TBC1D22A: variants seen among roughly 807,000 people sequenced by gnomAD.
TBC1D22A encodes the protein putative GTPase activator.
In TBC1D22A, 38 loss-of-function variants were observed where a neutral mutation model predicts 60.2. The observed-to-expected ratio is 0.63, with a 90% CI of 0.49 to 0.83. The LOEUF (loss-of-function observed/expected upper bound fraction) is 0.83. Ranked by LOEUF, TBC1D22A falls within the 40% of genes least tolerant of loss-of-function variation. The pLI is 0.00. For missense variants in TBC1D22A, 628 were observed against 701.0 expected (o/e 0.90, Z 1.18); for synonymous variants, 302 against 281.7 (o/e 1.07, Z -0.72).
intron 11 of TBC1D22A, among the ~76,000 whole-genome samples, chr22:47,067,661 A>G (rs2063821601): frequency 6.6e-6 from 1 of 152,220 alleles, no homozygotes; most frequent in African/African-American, 2.4e-5. Context: ...GTCAGGGATC[A>G]GAACAGGCAG....
intron 4 of TBC1D22A, among the ~76,000 whole-genome samples, chr22:46,853,026 T>C (rs986715348): frequency 2.0e-5 from 3 of 152,210 alleles, no homozygotes; most frequent in Non-Finnish European, 4.4e-5. Flanking sequence ...GGGAGCACGA[T>C]TCCTTTGCAG....
intron 12 of TBC1D22A, among the ~76,000 whole-genome samples, chr22:47,127,304 T>C (rs2066495392): frequency 6.7e-6 from 1 of 150,170 alleles, no homozygotes; most frequent in Non-Finnish European, 1.5e-5. Flanking sequence ...CTTGGCTCAC[T>C]GCAACCTCCG....
chr22:47,060,660 G>A (rs141509244), intron 11 of TBC1D22A, among the ~76,000 whole-genome samples: 6,124 of 152,284 alleles, frequency 0.04, 175 homozygotes, highest in Admixed American at 0.094. Context: ...TTGAACTCCT[G>A]ACCTCAGGTG....
At chr22:46,900,391 C>A (rs2068923758) in intron 7 of TBC1D22A, among the ~76,000 whole-genome samples, 1 of 152,094 alleles carries the variant, frequency 6.6e-6, no homozygotes, top group Non-Finnish European at 1.5e-5. Context: ...ACCTGGAGAT[C>A]CACCCTCCTT....
intron 11 of TBC1D22A, among the ~76,000 whole-genome samples, chr22:47,108,772 T>G (rs1268858157): frequency 2.0e-5 from 3 of 152,226 alleles, no homozygotes; most frequent in African/African-American, 7.2e-5. Context: ...CTCGGCTCAC[T>G]GCAAGCTCCG....
intron 11 of TBC1D22A, among the ~76,000 whole-genome samples, chr22:47,079,334 G>C (rs1389694237): frequency 6.6e-6 from 1 of 152,160 alleles, no homozygotes; most frequent in Non-Finnish European, 1.5e-5. Context: ...TGATCCACTT[G>C]CCTTGGCCTC....
chr22:46,775,149 G>A (rs530170789), intron 1 of TBC1D22A, among the ~76,000 whole-genome samples: 1 of 152,360 alleles, frequency 6.6e-6, no homozygotes, highest in East Asian at 1.9e-4. Context: ...AGAGGACCCG[G>A]TCTTGGAAAG....
At chr22:46,828,372 C>G (rs934676111) in intron 4 of TBC1D22A, among the ~76,000 whole-genome samples, 1 of 152,254 alleles carries the variant, frequency 6.6e-6, no homozygotes, top group Non-Finnish European at 1.5e-5. Context: ...CTTAGTTGTT[C>G]ACATTCTGGT....
At chr22:46,779,348 T>C (rs1446727412) in intron 1 of TBC1D22A, among the ~76,000 whole-genome samples, 1 of 151,914 alleles carries the variant, frequency 6.6e-6, no homozygotes, top group Non-Finnish European at 1.5e-5. Context: ...CGTTATGTGG[T>C]GCGTGGCTTG....
chr22:47,037,209 C>T lies in TBC1D22A; in HGVS notation c.1329+11C>T, dbSNP rs771170645. 1.2e-6 allele frequency: 2 copies of T among 1,612,562 alleles called. No homozygotes were observed. Among genetic ancestry groups the T allele is most frequent in the Admixed American group, 3.3e-5 (2 of 60,012 alleles). ...TGGGACACCTACCAGGTGAGCTCTC[C>T]TTCGCACCCTCCGCCATGGGGGTGC... is the stretch of plus-strand genomic sequence containing the variant. On this transcript the variant is annotated intron_variant, in intron 11 of 12. Transcript: ENST00000337137.
intron 12 of TBC1D22A, among the ~76,000 whole-genome samples, chr22:47,155,009 C>T (rs561013079): frequency 1.3e-5 from 2 of 152,284 alleles, no homozygotes; most frequent in African/African-American, 4.8e-5. Flanking sequence ...GCATCTTGGC[C>T]CCAAACACCG....
At chr22:46,880,872 G>A (rs1240360618) in intron 5 of TBC1D22A, among the ~76,000 whole-genome samples, 2 of 152,164 alleles carry the variant, frequency 1.3e-5, no homozygotes, top group African/African-American at 4.8e-5. Context: ...CAGATGAGTA[G>A]GAAATAAATG....
intron 4 of TBC1D22A, among the ~76,000 whole-genome samples, chr22:46,868,456 A>G (rs978169713): frequency 9.9e-5 from 15 of 152,194 alleles, no homozygotes; most frequent in Non-Finnish European, 2.1e-4. Context: ...TATATATGCA[A>G]ATATTCTAAA....
intron 11 of TBC1D22A, among the ~76,000 whole-genome samples, chr22:47,077,822 C>T (rs909728043): frequency 6.6e-6 from 1 of 152,182 alleles, no homozygotes; most frequent in Non-Finnish European, 1.5e-5. Context: ...TTTCCTGAAC[C>T]TGTGTCTTCA....
chr22:46,806,363 G>A (rs574068932), intron 4 of TBC1D22A, among the ~76,000 whole-genome samples: 2 of 126,126 alleles, frequency 1.6e-5, no homozygotes, highest in African/African-American at 5.8e-5. Flanking sequence ...TTTTTTGCCC[G>A]GAAATGGAGC....
chr22:47,047,318 A>G (rs117170646), intron 11 of TBC1D22A, among the ~76,000 whole-genome samples: 1 of 152,228 alleles, frequency 6.6e-6, no homozygotes, highest in Non-Finnish European at 1.5e-5. Context: ...TTAAATACGA[A>G]TCATACATTT....
chr22:46,949,699 CTAAGTTGGA>C (rs2072779780), intron 8 of TBC1D22A, among the ~76,000 whole-genome samples: 1 of 152,164 alleles, frequency 6.6e-6, no homozygotes, highest in Admixed American at 6.5e-5. Flanking sequence ...GAGAGAAATA[CTAAGTTGGA>C]TATTGGCAAG....
chr22:46,854,391 C>A (rs2087458031), intron 4 of TBC1D22A, among the ~76,000 whole-genome samples: 1 of 152,186 alleles, frequency 6.6e-6, no homozygotes, highest in African/African-American at 2.4e-5. Flanking sequence ...CTTCCCGTTC[C>A]CTGCTCCTCC....
At chr22:46,918,676 C>G (rs190595148) in intron 8 of TBC1D22A, among the ~76,000 whole-genome samples, 239 of 152,296 alleles carry the variant, frequency 1.6e-3, no homozygotes, top group African/African-American at 5.6e-3. Context: ...GGGGATCTTG[C>G]TAGCGACCTG....
Sources: gnomAD v4.1 joint callset for allele counts (sites outside exome capture counted in the v4.1 genomes callset) on GRCh38, gnomAD v4.1.1 for gene constraint, MANE v1.5 for transcripts, NCBI Gene and HGNC (gene_info 2026-07-23, HGNC 2026-07-21) for gene names.